Variants in EDNRB observed in about 807,000 individuals in gnomAD.
EDNRB encodes endothelin receptor type B, also known as Hirschsprung disease 2.
A neutral mutation model predicts 46.4 loss-of-function variants in EDNRB; 18 were observed. The ratio of observed to expected loss-of-function variants is 0.39; its 90% CI spans 0.27 to 0.57. The LOEUF is 0.57. Ranked by LOEUF, EDNRB falls within the 20% of genes least tolerant of loss-of-function variation. The pLI, the probability that EDNRB is intolerant of heterozygous loss-of-function variation, is 0.61. For missense variants in EDNRB, 434 were observed against 537.5 expected (o/e 0.81, Z 1.90); for synonymous variants, 213 against 204.9 (o/e 1.04, Z -0.34).
At chr13:77,912,084 C>T (rs1879596932) in intron 1 of EDNRB, among the ~76,000 whole-genome samples, 1 of 152,108 alleles carries the variant, frequency 6.6e-6, no homozygotes, top group Non-Finnish European at 1.5e-5. Flanking sequence ...AAGAACATGG[C>T]TCCCTGGCCT....
chr13:77,957,113 C>A (rs1881263304), intron 1 of EDNRB, among the ~76,000 whole-genome samples: 1 of 152,116 alleles, frequency 6.6e-6, no homozygotes, highest in Admixed American at 6.5e-5. Context: ...ATTGATAAAT[C>A]ATTGAACAAT....
chr13:77,910,129 A>G (rs1879500540), intron 1 of EDNRB, among the ~76,000 whole-genome samples: 1 of 152,020 alleles, frequency 6.6e-6, no homozygotes, highest in Non-Finnish European at 1.5e-5. Flanking sequence ...GTTTCGTGGA[A>G]GTAGATGCAG....
rs577680548 is a variant in EDNRB, at chr13:77,946,700, A to G, written c.-51-28076T>C. ...TGATCCACAAAGCACAATGACAGGA[A>G]TTCAAGTGAGCATGTAACAGTGTTT... On this transcript the variant is annotated intron_variant, in intron 1 of 7. Coordinates refer to the EDNRB transcript ENST00000646948. 1.6e-4 allele frequency among the ~76,000 whole-genome samples: 24 copies of G among 152,278 alleles called. No individual in the cohort carries two copies. The East Asian group carries it at 4.6e-3, about 29-fold the overall frequency.
rs199798249 is a variant in EDNRB, at chr13:77,900,668, A to G, written c.952-14T>C. 1.2e-4 allele frequency: 190 copies of G among 1,611,894 alleles called. No individual in the cohort carries two copies. The highest frequency in any genetic ancestry group is 1.5e-4 in the Non-Finnish European group (176 of 1,178,788). On this transcript the variant is annotated splice_polypyrimidine_tract_variant and intron_variant, in intron 4 of 6. Coordinates refer to ENST00000646607, the MANE Select transcript of EDNRB (RefSeq NM_001122659.3). ...CACTTCCCGTCTCTGAAATAAATCC[A>G]TAGTTTGACCCTTAAAAGATGGCTC...
intron 1 of EDNRB, among the ~76,000 whole-genome samples, chr13:77,961,661 G>T (rs1421473491): frequency 1.3e-5 from 2 of 152,170 alleles, no homozygotes; most frequent in Admixed American, 6.5e-5. Context: ...AGCACTAAAT[G>T]CCCACAGGAG....
At chr13:77,935,911 A>C (rs1482820092) in intron 1 of EDNRB, among the ~76,000 whole-genome samples, 1 of 152,226 alleles carries the variant, frequency 6.6e-6, no homozygotes, top group African/African-American at 2.4e-5. Context: ...AATTTGATTG[A>C]TAAGGCACAG....
At chr13:77,963,998 C>T (rs1355393629) in intron 1 of EDNRB, among the ~76,000 whole-genome samples, 2 of 152,308 alleles carry the variant, frequency 1.3e-5, no homozygotes, top group East Asian at 3.9e-4. Flanking sequence ...GACATTTATG[C>T]AGCCAACAGA....
chr13:77,942,087 C>T (rs137858087), intron 1 of EDNRB, among the ~76,000 whole-genome samples: 138 of 152,294 alleles, frequency 9.1e-4, no homozygotes, highest in African/African-American at 3.2e-3. Context: ...ATCCCTACCA[C>T]CTTTTTCAGG....
At chr13:77,929,690 G>T (rs147218387) in intron 1 of EDNRB, among the ~76,000 whole-genome samples, 1 of 152,298 alleles carries the variant, frequency 6.6e-6, no homozygotes, top group East Asian at 1.9e-4. Flanking sequence ...AAACAGGAAA[G>T]AATCATGCCC....
At chr13:77,922,081 C>G (rs1472541158), upstream of EDNRB, among the ~76,000 whole-genome samples, 3 of 151,840 alleles carry the variant, frequency 2.0e-5, no homozygotes, top group East Asian at 5.8e-4. Flanking sequence ...TTTAAGAATT[C>G]CTACCTGCAA....
intron 1 of EDNRB, among the ~76,000 whole-genome samples, chr13:77,934,949 G>A (rs1369464786): frequency 6.6e-6 from 1 of 150,484 alleles, no homozygotes; most frequent in Non-Finnish European, 1.5e-5. Flanking sequence ...AGGTGGATCA[G>A]AGAGATACAG....
intron 1 of EDNRB, among the ~76,000 whole-genome samples, chr13:77,904,487 T>C (rs1879172631): frequency 6.6e-6 from 1 of 151,922 alleles, no homozygotes; most frequent in Non-Finnish European, 1.5e-5. Flanking sequence ...ATAGCAGATG[T>C]TTAATATTAA....
intron 3 of EDNRB, 40 bp downstream of exon 3, chr13:77,903,116 A>T (rs1399505888): frequency 3.1e-6 from 5 of 1,601,950 alleles, no homozygotes; most frequent in Non-Finnish European, 4.3e-6. Context: ...AATATTTATA[A>T]GGCAAGAGCA....
chr13:77,916,694 A>G (rs1879822003), intron 1 of EDNRB, among the ~76,000 whole-genome samples: 1 of 152,186 alleles, frequency 6.6e-6, no homozygotes, highest in African/African-American at 2.4e-5. Context: ...AGCATTCCCT[A>G]CAACATTTCC....
At chr13:77,919,617 C>T (rs560239964), upstream of EDNRB, 23 of 1,596,762 alleles carry the variant, frequency 1.4e-5, no homozygotes, top group African/African-American at 2.9e-4. Context: ...TTTATTCATT[C>T]ATCCCTTCCC....
intron 1 of EDNRB, among the ~76,000 whole-genome samples, chr13:77,958,387 T>C (rs2137681553): frequency 7.1e-6 from 1 of 141,460 alleles, no homozygotes. Flanking sequence ...TTTATTTATT[T>C]ATTTTGAGAC....
intron 1 of EDNRB, among the ~76,000 whole-genome samples, chr13:77,925,163 G>T (rs569987535): frequency 1.3e-5 from 2 of 152,248 alleles, no homozygotes; most frequent in Non-Finnish European, 2.9e-5. Flanking sequence ...GACTTTCTGG[G>T]ACTGGCTTGT....
intron 6 of EDNRB, among the ~76,000 whole-genome samples, chr13:77,899,217 T>C (rs12720198): frequency 6.6e-6 from 1 of 151,890 alleles, no homozygotes; most frequent in African/African-American, 2.4e-5. Context: ...TTCTTAGCTT[T>C]CCAGTAGTGA....
At chr13:77,959,423 G>A (rs1256273268) in intron 1 of EDNRB, among the ~76,000 whole-genome samples, 1 of 152,204 alleles carries the variant, frequency 6.6e-6, no homozygotes, top group Non-Finnish European at 1.5e-5. Flanking sequence ...TGATACCCAG[G>A]CAAACAGGGT....
Sources: allele counts gnomAD v4.1 joint callset (sites outside exome capture counted in the v4.1 genomes callset), GRCh38; gene constraint gnomAD v4.1.1; transcripts MANE v1.5; gene names NCBI Gene and HGNC (gene_info 2026-07-23, HGNC 2026-07-21).